FGF14: variants seen among roughly 807,000 people sequenced by gnomAD.
The protein encoded by FGF14 is fibroblast growth factor homologous factor 4.
Under a neutral mutation model 25.5 loss-of-function variants are expected in FGF14, and 5 were observed. That is an observed-to-expected ratio of 0.20 (90% CI 0.10 to 0.41). The LOEUF (loss-of-function observed/expected upper bound fraction) is 0.41, where lower values mean the gene tolerates loss of function less well. Among genes scored for constraint, FGF14 ranks in the 10% least tolerant of loss-of-function variants. The pLI is 1.00. For synonymous variants in FGF14, 138 were observed against 118.3 expected (o/e 1.17, Z -1.08); for missense variants, 222 against 320.1 (o/e 0.69, Z 2.34).
At chr13:101,895,210 C>T (rs2030453225) in intron 1 of FGF14, among the ~76,000 whole-genome samples, 1 of 152,050 alleles carries the variant, frequency 6.6e-6, no homozygotes, top group Non-Finnish European at 1.5e-5. Context: ...CATTAAATTC[C>T]TAATGACTGT....
At chr13:102,037,144 G>T (rs1226008139) in intron 1 of FGF14, among the ~76,000 whole-genome samples, 1 of 152,074 alleles carries the variant, frequency 6.6e-6, no homozygotes, top group Non-Finnish European at 1.5e-5. Context: ...CTCTTAACTA[G>T]ATTTTATTAT....
chr13:102,311,490 C>T (rs376497184), intron 1 of FGF14, among the ~76,000 whole-genome samples: 8 of 152,000 alleles, frequency 5.3e-5, no homozygotes, highest in East Asian at 1.9e-4. Flanking sequence ...TGAATCGGGC[C>T]GATTTAAAAG....
intron 1 of FGF14, among the ~76,000 whole-genome samples, chr13:102,110,812 T>C (rs2045187477): frequency 6.6e-6 from 1 of 152,150 alleles, no homozygotes; most frequent in Non-Finnish European, 1.5e-5. Context: ...AGTTCCTCTC[T>C]ACCCTGCAAT....
intron 1 of FGF14, among the ~76,000 whole-genome samples, chr13:102,071,104 C>G (rs2043136712): frequency 6.6e-6 from 1 of 152,168 alleles, no homozygotes; most frequent in Non-Finnish European, 1.5e-5. Context: ...TACTTTCTCT[C>G]TAAATCATAG....
intron 3 of FGF14, among the ~76,000 whole-genome samples, chr13:101,842,610 G>A (rs532251245): frequency 6.6e-6 from 1 of 152,082 alleles, no homozygotes; most frequent in East Asian, 1.9e-4. Flanking sequence ...AAGGACTGTA[G>A]AAAGAGTCTT....
intron 3 of FGF14, among the ~76,000 whole-genome samples, chr13:101,850,148 T>C (rs1028860036): frequency 3.3e-5 from 5 of 151,162 alleles, no homozygotes; most frequent in Non-Finnish European, 5.9e-5. Flanking sequence ...TATTTAAGTG[T>C]TCTGGCCAGG....
chr13:101,779,941 C>T (rs2039386402), intron 3 of FGF14, among the ~76,000 whole-genome samples: 1 of 152,022 alleles, frequency 6.6e-6, no homozygotes, highest in Non-Finnish European at 1.5e-5. Context: ...TTATTTTCAG[C>T]AAGTATCATG....
At chr13:102,381,136 T>C (rs886748794) in intron 1 of FGF14, among the ~76,000 whole-genome samples, 2 of 152,138 alleles carry the variant, frequency 1.3e-5, no homozygotes, top group Non-Finnish European at 2.9e-5. Flanking sequence ...AACAGGATGG[T>C]TGTATGGGCA....
rs1357574015 is a variant in FGF14 at position 102,303,959 on chromosome 13, AT to A, written c.208+97511del. Among the ~76,000 whole-genome samples the A allele has an allele frequency of 2.6e-5, 4 of 152,302 alleles. No homozygotes were observed. In the East Asian group the frequency reaches 7.7e-4, roughly 29 times the overall value. On this transcript the variant is annotated intron_variant, in intron 1 of 4. Coordinates refer to the FGF14 transcript ENST00000376131. ...GATTTTAGACAATTAGTATATCTTTATTCATTGCTAAATGAATGCTGTGACT... is the reference window on the plus strand; with the variant it reads ...GATTTTAGACAATTAGTATATCTTTATCATTGCTAAATGAATGCTGTGACT...
At chr13:101,808,457 T>G (rs1384589379) in intron 3 of FGF14, among the ~76,000 whole-genome samples, 5 of 152,150 alleles carry the variant, frequency 3.3e-5, no homozygotes, top group Admixed American at 6.5e-5. Context: ...TAAAACTGAA[T>G]TAATGTTTGT....
intron 1 of FGF14, among the ~76,000 whole-genome samples, chr13:101,886,089 G>A (rs2045975624): frequency 6.6e-6 from 1 of 152,106 alleles, no homozygotes; most frequent in Admixed American, 6.6e-5. Flanking sequence ...GGAAGTTTAA[G>A]GTATTTTCTT....
At chr13:102,369,871 CTTT>C (rs2057824551) in intron 1 of FGF14, among the ~76,000 whole-genome samples, 1 of 152,172 alleles carries the variant, frequency 6.6e-6, no homozygotes, top group South Asian at 2.1e-4. Flanking sequence ...CTTGTTGCTT[CTTT>C]GTCTCAGGTT....
chr13:101,949,960 T>G (rs2036049241), intron 1 of FGF14, among the ~76,000 whole-genome samples: 5 of 152,286 alleles, frequency 3.3e-5, no homozygotes, highest in Middle Eastern at 3.4e-3. Context: ...TGGCAGGAAG[T>G]AGGGTGTGGT....
At chr13:102,288,420 T>C (rs930470132) in intron 1 of FGF14, among the ~76,000 whole-genome samples, 2 of 152,186 alleles carry the variant, frequency 1.3e-5, no homozygotes, top group South Asian at 2.1e-4. Context: ...ACAAGTACTT[T>C]GACTCTCTCA....
intron 1 of FGF14, among the ~76,000 whole-genome samples, chr13:102,312,573 T>C (rs927186401): frequency 1.3e-5 from 2 of 152,194 alleles, no homozygotes; most frequent in East Asian, 3.9e-4. Context: ...CAAACACTTA[T>C]GAATGGCATT....
intron 3 of FGF14, among the ~76,000 whole-genome samples, chr13:101,784,145 C>T (rs1566896620): frequency 6.6e-6 from 1 of 152,134 alleles, no homozygotes; most frequent in African/African-American, 2.4e-5. Context: ...TCTAACTTAT[C>T]CTGTACATTA....
intron 1 of FGF14, among the ~76,000 whole-genome samples, chr13:101,906,196 C>A (rs2032221584): frequency 6.6e-6 from 1 of 152,264 alleles, no homozygotes; most frequent in Admixed American, 6.5e-5. Context: ...CCAAGTTTGG[C>A]CTCAGCATGA....
chr13:102,345,532 T>C (rs981071612), intron 1 of FGF14, among the ~76,000 whole-genome samples: 1 of 152,252 alleles, frequency 6.6e-6, no homozygotes, highest in Non-Finnish European at 1.5e-5. Flanking sequence ...CCCCATCCCT[T>C]TCTAAAGTAA....
intron 1 of FGF14, among the ~76,000 whole-genome samples, chr13:102,092,822 C>G (rs1038091638): frequency 5.3e-5 from 8 of 151,954 alleles, no homozygotes; most frequent in Non-Finnish European, 1.0e-4. Context: ...ACCAGAGCGG[C>G]CTTTAAGGTT....
Sources: gnomAD v4.1 joint callset for allele counts (sites outside exome capture counted in the v4.1 genomes callset) on GRCh38, gnomAD v4.1.1 for gene constraint, MANE v1.5 for transcripts, NCBI Gene and HGNC (gene_info 2026-07-23, HGNC 2026-07-21) for gene names.